The following CORIN variants were observed in gnomAD, a reference collection of about 807,000 sequenced individuals.
CORIN encodes the protein corin, serine peptidase.
A neutral mutation model predicts 125.3 loss-of-function variants in CORIN; 117 were observed. That is an observed-to-expected ratio of 0.93 (90% CI 0.80 to 1.09). CORIN has a LOEUF of 1.09. CORIN is among the 50% of genes least tolerant of loss of function. The pLI is 0.00. For synonymous variants in CORIN, 450 were observed against 466.4 expected (o/e 0.96, Z 0.45); for missense variants, 1,253 against 1,306.7 (o/e 0.96, Z 0.63).
chr4:47,643,214 C>A lies in CORIN; in HGVS notation c.2000G>T (p.Cys667Phe). The A allele has an allele frequency of 6.2e-7, 1 of 1,613,826 alleles. No homozygotes were observed. Among genetic ancestry groups the A allele is most frequent in the Non-Finnish European group, 8.5e-7 (1 of 1,179,884 alleles). ...ATCACACCACAGGTCACGTGACACA[C>A]ACGCATGGTTTGCACATTCCAGCTC... ...DDELECANHACVSRDLWCDGE... is the reference protein window; with the variant it reads ...DDELECANHAFVSRDLWCDGE... Residue 667 changes from cysteine to phenylalanine, a missense_variant, in exon 15 of 22, where the codon TGT (cysteine) becomes TTT (phenylalanine). Transcript: ENST00000273857.
At chr4:47,667,594 T>C (rs1724537507) in intron 10 of CORIN, among the ~76,000 whole-genome samples, 1 of 152,234 alleles carries the variant, frequency 6.6e-6, no homozygotes, top group Non-Finnish European at 1.5e-5. Context: ...TCTCCAGGAC[T>C]ACTTCTTAAT....
At chr4:47,736,187 C>A (rs1428942818) in intron 5 of CORIN, among the ~76,000 whole-genome samples, 1 of 152,124 alleles carries the variant, frequency 6.6e-6, no homozygotes, top group Non-Finnish European at 1.5e-5. Flanking sequence ...AAGGACTTCT[C>A]TTTCAGTTTT....
chr4:47,617,793 G>A (rs1046010544), intron 19 of CORIN, among the ~76,000 whole-genome samples: 2 of 152,184 alleles, frequency 1.3e-5, no homozygotes, highest in Non-Finnish European at 2.9e-5. Flanking sequence ...CATGAGCTCA[G>A]TAATAAAAAG....
At chr4:47,689,424 A>C (rs1725667972) in intron 6 of CORIN, among the ~76,000 whole-genome samples, 1 of 152,174 alleles carries the variant, frequency 6.6e-6, no homozygotes, top group African/African-American at 2.4e-5. Context: ...AGCCTGACTC[A>C]AGAATTTATA....
chr4:47,600,363 A>T lies in CORIN; in HGVS notation c.2813-16T>A, dbSNP rs185766632. ...TTAAATGGCACTGAATTTTTAAAAAATAAGAATATATATATGATGATAAAA... is the reference window on the plus strand; with the variant it reads ...TTAAATGGCACTGAATTTTTAAAAATTAAGAATATATATATGATGATAAAA... On this transcript the variant is annotated splice_polypyrimidine_tract_variant and intron_variant, in intron 20 of 21. Transcript: ENST00000273857. The T allele has an allele frequency of 3.8e-6, 6 of 1,587,536 alleles. No homozygotes were observed. In the Admixed American group the frequency reaches 8.4e-5, roughly 22 times the overall value.
chr4:47,729,686 C>T (rs1240426541), intron 5 of CORIN, among the ~76,000 whole-genome samples: 1 of 152,168 alleles, frequency 6.6e-6, no homozygotes, highest in Non-Finnish European at 1.5e-5. Context: ...GGAAGACCCA[C>T]AGCTCTAAGT....
At chr4:47,815,627 T>G (rs1048929635) in intron 1 of CORIN, among the ~76,000 whole-genome samples, 1 of 152,156 alleles carries the variant, frequency 6.6e-6, no homozygotes, top group Admixed American at 6.6e-5. Flanking sequence ...AGACACAAAG[T>G]TTAAAGTAAT....
chr4:47,829,449 C>T (rs1046306463), intron 1 of CORIN, among the ~76,000 whole-genome samples: 8 of 152,140 alleles, frequency 5.3e-5, no homozygotes, highest in African/African-American at 1.9e-4. Flanking sequence ...TTATCATAAA[C>T]CAGTGAATGT....
intron 5 of CORIN, among the ~76,000 whole-genome samples, chr4:47,725,040 C>A (rs1727524191): frequency 6.6e-6 from 1 of 152,100 alleles, no homozygotes; most frequent in African/African-American, 2.4e-5. Context: ...AAAATTAGTA[C>A]CTTTTACAAT....
chr4:47,664,244 A>G (rs1006858185), intron 11 of CORIN, among the ~76,000 whole-genome samples: 2 of 152,228 alleles, frequency 1.3e-5, no homozygotes, highest in Non-Finnish European at 1.5e-5. Context: ...AAAGGGACAG[A>G]CTGCCAAGAA....
chr4:47,707,095 T>C, intron 5 of CORIN: 1 of 1,418,812 alleles, frequency 7.0e-7, no homozygotes, highest in Admixed American at 2.9e-5. Flanking sequence ...GTTTCTTGAA[T>C]GCTTTGTCAA....
At chr4:47,637,957 C>T (rs545024545) in intron 16 of CORIN, among the ~76,000 whole-genome samples, 6 of 152,324 alleles carry the variant, frequency 3.9e-5, no homozygotes, top group South Asian at 2.1e-4. Context: ...ATGAAAGCAG[C>T]TAGGAGGGAG....
At chr4:47,803,599 T>A (rs1445561006) in intron 2 of CORIN, among the ~76,000 whole-genome samples, 1 of 152,196 alleles carries the variant, frequency 6.6e-6, no homozygotes, top group African/African-American at 2.4e-5. Context: ...AGAACATACA[T>A]TGCGGAAAGA....
intron 4 of CORIN, among the ~76,000 whole-genome samples, chr4:47,750,632 G>C (rs998193940): frequency 3.3e-5 from 5 of 152,192 alleles, no homozygotes; most frequent in Non-Finnish European, 7.3e-5. Flanking sequence ...AGTTGTATGG[G>C]GAAGGCTGCT....
rs931569261 is a variant in CORIN at position 47,615,325 on chromosome 4, A to G, written c.2540+8246T>C. ...TGACATGGTGTGATTTACATTTTAGAAAGTTCACTATCTTACTGTGTGGAT... is the reference window on the plus strand; with the variant it reads ...TGACATGGTGTGATTTACATTTTAGGAAGTTCACTATCTTACTGTGTGGAT... On this transcript the variant is annotated intron_variant, in intron 19 of 21. Transcript: ENST00000273857. 3.3e-5 allele frequency among the ~76,000 whole-genome samples: 5 copies of G among 152,340 alleles called. No individual in the cohort carries two copies. The East Asian group carries it at 5.8e-4, about 18-fold the overall frequency.
intron 16 of CORIN, among the ~76,000 whole-genome samples, chr4:47,627,227 C>G (rs1222412787): frequency 6.6e-6 from 1 of 152,132 alleles, no homozygotes; most frequent in Non-Finnish European, 1.5e-5. Context: ...AAGTGGTCTG[C>G]CCACCTCAGC....
At chr4:47,611,345 T>G (rs1411504870) in intron 19 of CORIN, among the ~76,000 whole-genome samples, 3 of 152,206 alleles carry the variant, frequency 2.0e-5, no homozygotes, top group African/African-American at 7.2e-5. Flanking sequence ...TATTTTATTC[T>G]GTTTGTAGCA....
At position 47,595,600 on chromosome 4, in the gene CORIN, C is replaced by A. The variant is rs1463928707; in HGVS notation, c.*121G>T. 6.2e-6 allele frequency: 4 copies of A among 644,918 alleles called. No individual in the cohort carries two copies. Among genetic ancestry groups the A allele is most frequent in the Non-Finnish European group, 1.0e-5 (4 of 399,230 alleles). 39.9% of individuals were successfully genotyped at this position (644,918 alleles called of 1,614,324 possible). A position where few individuals can be genotyped will look rare whatever the true frequency, so the allele number is the denominator to read the frequency against. On this transcript the variant is annotated 3_prime_UTR_variant, in exon 22 of 22. Coordinates refer to ENST00000273857, the MANE Select transcript of CORIN (RefSeq NM_006587.4). ...AACAAACATGCAAATTTGCAGTGCA[C>A]GATTGAGCATTTCTGTCCATGAAAA...
rs1434010740 is a variant in CORIN, at chr4:47,683,788, T to C, written c.964A>G (p.Ser322Gly). The C allele has an allele frequency of 5.6e-6, 9 of 1,613,796 alleles. No homozygotes were observed. Among genetic ancestry groups the C allele is most frequent in the African/African-American group, 1.3e-5 (1 of 75,038 alleles). The change falls in exon 7 of 22, where the codon AGC becomes GGC. Residue 322 changes from serine (S) to glycine (G), a missense_variant. Transcript: ENST00000273857. The stretch of plus-strand genomic sequence containing the variant: ...TCATCATATCCATCACACACAAGGC[T>C]GTAATTAAGGCACTTGCCTGTGTGA... Reference protein sequence around the residue: ...HCHTGKCLNYSLVCDGYDDCG... With the variant: ...HCHTGKCLNYGLVCDGYDDCG...
Sources: gnomAD v4.1 joint callset for allele counts (sites outside exome capture counted in the v4.1 genomes callset) on GRCh38, gnomAD v4.1.1 for gene constraint, MANE v1.5 for transcripts, NCBI Gene and HGNC (gene_info 2026-07-23, HGNC 2026-07-21) for gene names.